SRGAP3: variants seen among roughly 807,000 people sequenced by gnomAD.
SRGAP3 encodes SLIT-ROBO Rho GTPase-activating protein 3.
Under a neutral mutation model 121.1 loss-of-function variants are expected in SRGAP3, and 39 were observed. The observed-to-expected ratio is 0.32, with a 90% CI of 0.25 to 0.42. The LOEUF (loss-of-function observed/expected upper bound fraction) is 0.42, where lower values mean the gene tolerates loss of function less well. Among genes scored for constraint, SRGAP3 ranks in the 10% least tolerant of loss-of-function variants. The probability of loss-of-function intolerance (pLI) is 1.00; values close to 1 mark genes in which losing one functional copy is unlikely to be tolerated. For missense variants in SRGAP3, 1,213 were observed against 1,470.6 expected, an observed-to-expected ratio of 0.82 and a Z score of 2.86; for synonymous variants, 601 against 570.0, an observed-to-expected ratio of 1.05 and a Z score of -0.77.
Position 9,201,751 on chromosome 3 carries a change from C to T in SRGAP3, c.67+47134G>A, listed in dbSNP as rs552728382. 7.2e-5 allele frequency among the ~76,000 whole-genome samples: 11 copies of T among 152,280 alleles called. No homozygotes were observed. The South Asian group carries it at 1.0e-3, about 14-fold the overall frequency. ...AGTGCATGTAACACTCAAGGAGACA[C>T]GTTACAGAGACTTGAGTGCTACTGG... On this transcript the variant is annotated intron_variant, in intron 1 of 21. Coordinates refer to ENST00000383836, the MANE Select transcript of SRGAP3 (RefSeq NM_014850.4).
At chr3:9,125,014 C>T (rs1260020497) in intron 1 of SRGAP3, 97 bp from the exon 2 acceptor site, 1 of 1,431,052 alleles carries the variant, frequency 7.0e-7, no homozygotes, top group East Asian at 2.3e-5. Flanking sequence ...ATTCAGGCAG[C>T]TCCCTCCTAA....
chr3:8,994,009 G>T (rs1306781940), intron 19 of SRGAP3: 1 of 386,794 alleles, frequency 2.6e-6, no homozygotes, highest in Non-Finnish European at 4.9e-6. Context: ...GTAGGCAGGG[G>T]AGGCCTAGGA....
chr3:8,988,482 T>C (rs1354093649), intron 21 of SRGAP3, among the ~76,000 whole-genome samples: 6 of 151,990 alleles, frequency 3.9e-5, no homozygotes, highest in Non-Finnish European at 7.4e-5. Context: ...TGAAAGGGGG[T>C]CTTGGATGGC....
chr3:9,183,202 T>C (rs1244756427), intron 1 of SRGAP3, among the ~76,000 whole-genome samples: 1 of 152,190 alleles, frequency 6.6e-6, no homozygotes, highest in Non-Finnish European at 1.5e-5. Context: ...GCTGAACTGA[T>C]GCCACATTGT....
chr3:9,334,292 C>T (rs569283737), intron 1 of SRGAP3, among the ~76,000 whole-genome samples: 15 of 152,176 alleles, frequency 9.9e-5, no homozygotes, highest in Non-Finnish European at 1.9e-4. Flanking sequence ...ATCATTTATT[C>T]AGCCAGGTCC....
chr3:9,263,606 A>G (rs1954295263), intron 3 of SRGAP3, among the ~76,000 whole-genome samples: 1 of 152,210 alleles, frequency 6.6e-6, no homozygotes, highest in Non-Finnish European at 1.5e-5. Flanking sequence ...CTATGCAAAT[A>G]AACTAGAAAA....
chr3:8,992,275 T>C (rs1942102402), intron 20 of SRGAP3, among the ~76,000 whole-genome samples: 1 of 152,244 alleles, frequency 6.6e-6, no homozygotes, highest in Admixed American at 6.5e-5. Flanking sequence ...GCTTTTCTTT[T>C]CTTTTCTTCT....
intron 1 of SRGAP3, among the ~76,000 whole-genome samples, chr3:9,182,832 A>G (rs1034773320): frequency 6.6e-6 from 1 of 151,798 alleles, no homozygotes; most frequent in African/African-American, 2.4e-5. Flanking sequence ...TTTTTTAAAA[A>G]ATTTTATAGA....
intron 8 of SRGAP3, among the ~76,000 whole-genome samples, chr3:9,055,667 C>T (rs762683562): frequency 1.3e-5 from 2 of 152,188 alleles, no homozygotes; most frequent in Non-Finnish European, 2.9e-5. Context: ...AAAATACCTA[C>T]TGTTATTTCT....
intron 3 of SRGAP3, among the ~76,000 whole-genome samples, chr3:9,321,098 T>C (rs911893493): frequency 6.6e-6 from 1 of 151,842 alleles, no homozygotes; most frequent in Non-Finnish European, 1.5e-5. Context: ...AACCAAGGTG[T>C]CATATGACAA....
chr3:9,344,645 CA>C (rs59737890), intron 1 of SRGAP3, among the ~76,000 whole-genome samples: 94,563 of 151,070 alleles, frequency 0.63, 29,964 homozygotes, highest in East Asian at 0.88. Context: ...AAACAAAAAA[CA>C]AAAAAAAAGA....
At chr3:9,243,348 T>C (rs574028906) in intron 1 of SRGAP3, among the ~76,000 whole-genome samples, 1 of 151,684 alleles carries the variant, frequency 6.6e-6, no homozygotes, top group African/African-American at 2.4e-5. Flanking sequence ...AGAAAAGGGA[T>C]TGGTCGCCAG....
chr3:9,104,326 G>A (rs1392883250), intron 3 of SRGAP3, among the ~76,000 whole-genome samples: 2 of 152,198 alleles, frequency 1.3e-5, no homozygotes, highest in Admixed American at 6.5e-5. Context: ...ATATCAAAGT[G>A]ATTATCTCCA....
intron 5 of SRGAP3, among the ~76,000 whole-genome samples, chr3:9,063,774 A>G (rs1946291371): frequency 6.6e-6 from 1 of 152,202 alleles, no homozygotes. Flanking sequence ...TGCAGCTCAG[A>G]GAGGTGTTGT....
chr3:9,288,203 C>A (rs1262018662), intron 3 of SRGAP3, among the ~76,000 whole-genome samples: 2 of 149,208 alleles, frequency 1.3e-5, no homozygotes, highest in Non-Finnish European at 3.0e-5. Context: ...AATAGCGCAG[C>A]CTCGGCTCAC....
chr3:9,167,216 C>T (rs772133772), intron 1 of SRGAP3, among the ~76,000 whole-genome samples: 1 of 152,112 alleles, frequency 6.6e-6, no homozygotes, highest in Non-Finnish European at 1.5e-5. Context: ...CTTTTTCAGC[C>T]TCCATCCTAC....
chr3:9,191,433 T>C (rs1951749766), intron 1 of SRGAP3, among the ~76,000 whole-genome samples: 1 of 152,120 alleles, frequency 6.6e-6, no homozygotes, highest in Non-Finnish European at 1.5e-5. Flanking sequence ...CCTGAACCCA[T>C]CCACAGGATG....
intron 1 of SRGAP3, among the ~76,000 whole-genome samples, chr3:9,354,128 A>G (rs1442337424): frequency 1.3e-5 from 2 of 152,124 alleles, no homozygotes; most frequent in East Asian, 3.9e-4. Flanking sequence ...AGAAGAAGGA[A>G]GGGGGCGACA....
intron 1 of SRGAP3, among the ~76,000 whole-genome samples, chr3:9,352,197 G>A (rs2030206425): frequency 6.6e-6 from 1 of 151,512 alleles, no homozygotes; most frequent in Non-Finnish European, 1.5e-5. Flanking sequence ...ACCTGAAGCT[G>A]CATTTCCCCA....
Sources: gnomAD v4.1 joint callset for allele counts (sites outside exome capture counted in the v4.1 genomes callset) on GRCh38, gnomAD v4.1.1 for gene constraint, MANE v1.5 for transcripts, NCBI Gene and HGNC (gene_info 2026-07-23, HGNC 2026-07-21) for gene names.